The following CSMD1 variants were observed in gnomAD, a reference collection of about 807,000 sequenced individuals.
CSMD1 encodes CUB and Sushi multiple domains 1, also known as CUB and sushi domain-containing protein 1.
Under a neutral mutation model 417.5 loss-of-function variants are expected in CSMD1, and 213 were observed. That is an observed-to-expected ratio of 0.51 (90% confidence interval 0.46 to 0.57). CSMD1 has a LOEUF of 0.57. Ranked by LOEUF, CSMD1 falls within the 20% of genes least tolerant of loss-of-function variation. The pLI is 0.00. For missense variants in CSMD1, 6,923 were observed against 4,529.7 expected (o/e 1.53, Z -15.17); for synonymous variants, 2,862 against 1,736.8 (o/e 1.65, Z -16.11).
At chr8:3,289,898 A>G (rs1249018665) in intron 25 of CSMD1, among the ~76,000 whole-genome samples, 3 of 147,332 alleles carry the variant, frequency 2.0e-5, no homozygotes, top group South Asian at 2.1e-4. Flanking sequence ...TGAAGTCCTT[A>G]CCCATGCCTG....
At chr8:4,078,891 TAATAAATA>T (rs1284481636) in intron 3 of CSMD1, among the ~76,000 whole-genome samples, 4 of 109,616 alleles carry the variant, frequency 3.6e-5, no homozygotes, top group Non-Finnish European at 5.3e-5. Context: ...ATAATAATAA[TAATAAATA>T]TATATATATA....
At chr8:3,192,699 C>G (rs944889812) in intron 33 of CSMD1, among the ~76,000 whole-genome samples, 2 of 152,120 alleles carry the variant, frequency 1.3e-5, no homozygotes, top group Non-Finnish European at 2.9e-5. Flanking sequence ...TAATTTTGTG[C>G]ATGACACAAA....
At chr8:4,823,976 A>C (rs919490986) in intron 1 of CSMD1, among the ~76,000 whole-genome samples, 1 of 151,884 alleles carries the variant, frequency 6.6e-6, no homozygotes, top group Admixed American at 6.6e-5. Flanking sequence ...ATACACACCC[A>C]CGCATGGACA....
At chr8:3,390,442 G>A (rs1585093776) in intron 17 of CSMD1, among the ~76,000 whole-genome samples, 1 of 149,216 alleles carries the variant, frequency 6.7e-6, no homozygotes, top group East Asian at 2.0e-4. Context: ...ACTAAGACCA[G>A]TCTGTGGACA....
At chr8:3,954,457 C>G (rs1811801222) in intron 5 of CSMD1, among the ~76,000 whole-genome samples, 1 of 152,154 alleles carries the variant, frequency 6.6e-6, no homozygotes, top group African/African-American at 2.4e-5. Context: ...ACCTCCTCCT[C>G]CCGGGTTCAG....
chr8:3,644,086 C>G (rs1288778527), intron 7 of CSMD1, among the ~76,000 whole-genome samples: 1 of 152,172 alleles, frequency 6.6e-6, no homozygotes, highest in Non-Finnish European at 1.5e-5. Flanking sequence ...TGCTCCAGGG[C>G]AGCCCTTCTA....
intron 20 of CSMD1, among the ~76,000 whole-genome samples, chr8:3,360,339 C>T (rs1038564507): frequency 6.6e-6 from 1 of 152,232 alleles, no homozygotes; most frequent in South Asian, 2.1e-4. Flanking sequence ...TTGCCACGTT[C>T]TTTACAGCCA....
intron 25 of CSMD1, among the ~76,000 whole-genome samples, chr8:3,306,755 T>C (rs1187290549): frequency 1.3e-5 from 2 of 152,214 alleles, no homozygotes; most frequent in Non-Finnish European, 2.9e-5. Flanking sequence ...AAAATAAAAC[T>C]GATTTTAAAA....
chr8:3,542,949 G>A (rs1396722026), intron 10 of CSMD1, among the ~76,000 whole-genome samples: 2 of 138,820 alleles, frequency 1.4e-5, no homozygotes, highest in Non-Finnish European at 2.9e-5. Flanking sequence ...TGGGGGACCC[G>A]CTGGCAGTGA....
At chr8:4,354,737 T>G (rs901001164) in intron 3 of CSMD1, among the ~76,000 whole-genome samples, 1 of 152,292 alleles carries the variant, frequency 6.6e-6, no homozygotes. Context: ...ATGTAAGTGA[T>G]GCAGGTGTTT....
At chr8:4,001,770 C>G (rs533332643) in intron 4 of CSMD1, among the ~76,000 whole-genome samples, 1 of 151,998 alleles carries the variant, frequency 6.6e-6, no homozygotes, top group Non-Finnish European at 1.5e-5. Flanking sequence ...GACCAGAGCA[C>G]TGACTGCAAC....
chr8:4,813,845 T>G lies in CSMD1; in HGVS notation c.86-176287A>C, dbSNP rs531315499. 1.5e-4 allele frequency among the ~76,000 whole-genome samples: 23 copies of G among 152,196 alleles called. 1 individual carries two copies. On this transcript the variant is annotated intron_variant, in intron 1 of 69. Coordinates refer to ENST00000635120, the MANE Select transcript of CSMD1 (RefSeq NM_033225.6). ...TACAAGGCAGTAATTCCAGAGTGCA[T>G]AGTAGCATTCTCAGGTTTTGTGTGT... is the stretch of plus-strand genomic sequence containing the variant.
intron 3 of CSMD1, among the ~76,000 whole-genome samples, chr8:4,209,140 T>C (rs1297997644): frequency 6.6e-6 from 1 of 152,210 alleles, no homozygotes; most frequent in Admixed American, 6.5e-5. Flanking sequence ...GATTTCTATC[T>C]AAAACCAAAA....
chr8:4,854,807 C>A (rs376750673), intron 1 of CSMD1, among the ~76,000 whole-genome samples: 1 of 152,298 alleles, frequency 6.6e-6, no homozygotes, highest in Middle Eastern at 3.4e-3. Flanking sequence ...AGTCTGAGAT[C>A]AAACTGCAAG....
chr8:3,350,775 T>G (rs1261497141), intron 21 of CSMD1, among the ~76,000 whole-genome samples: 1 of 152,124 alleles, frequency 6.6e-6, no homozygotes, highest in Non-Finnish European at 1.5e-5. Flanking sequence ...AGCATTTGTA[T>G]CCATGTGAAG....
intron 57 of CSMD1, among the ~76,000 whole-genome samples, chr8:2,972,772 G>A (rs1185539806): frequency 1.3e-5 from 2 of 152,196 alleles, no homozygotes; most frequent in Admixed American, 1.3e-4. Flanking sequence ...TCAGTGATCT[G>A]CATTGGTCCT....
intron 3 of CSMD1, among the ~76,000 whole-genome samples, chr8:4,394,987 A>T (rs1804103030): frequency 6.6e-6 from 1 of 152,180 alleles, no homozygotes; most frequent in Non-Finnish European, 1.5e-5. Flanking sequence ...TAAGAAAGGG[A>T]AGAGGCACAG....
intron 3 of CSMD1, among the ~76,000 whole-genome samples, chr8:4,046,563 C>A (rs1414146222): frequency 6.6e-6 from 1 of 152,124 alleles, no homozygotes; most frequent in African/African-American, 2.4e-5. Flanking sequence ...TAACTGTGGG[C>A]TTCCAGGTAT....
intron 7 of CSMD1, among the ~76,000 whole-genome samples, chr8:3,687,322 C>T (rs1799990578): frequency 6.6e-6 from 1 of 152,162 alleles, no homozygotes; most frequent in Non-Finnish European, 1.5e-5. Flanking sequence ...GTGATCTGCT[C>T]CATGTAAGGC....
Sources: allele counts gnomAD v4.1 joint callset (sites outside exome capture counted in the v4.1 genomes callset), GRCh38; gene constraint gnomAD v4.1.1; transcripts MANE v1.5; gene names NCBI Gene and HGNC (gene_info 2026-07-23, HGNC 2026-07-21).